The following MOXD1 variants were observed in gnomAD, a reference collection of about 807,000 sequenced individuals.
The protein encoded by MOXD1 is monooxygenase DBH like 1.
A neutral mutation model predicts 66.6 loss-of-function variants in MOXD1; 62 were observed. That is an observed-to-expected ratio of 0.93 (90% CI 0.76 to 1.15). MOXD1 has a LOEUF of 1.15. Ranked by LOEUF, MOXD1 falls within the 50% of genes most tolerant of loss-of-function variation. The pLI, the probability that MOXD1 is intolerant of heterozygous loss-of-function variation, is 0.00. For missense variants in MOXD1, 847 were observed against 754.6 expected (o/e 1.12, Z -1.44); for synonymous variants, 303 against 281.9 (o/e 1.07, Z -0.75).
At chr6:132,335,221 G>A (rs1262442556) in intron 4 of MOXD1, among the ~76,000 whole-genome samples, 1 of 151,828 alleles carries the variant, frequency 6.6e-6, no homozygotes, top group Non-Finnish European at 1.5e-5. Flanking sequence ...AATCCGTATG[G>A]TTTTGGAGGC....
At chr6:132,399,755 C>T (rs1477871211) in intron 1 of MOXD1, among the ~76,000 whole-genome samples, 1 of 152,176 alleles carries the variant, frequency 6.6e-6, no homozygotes, top group Non-Finnish European at 1.5e-5. Flanking sequence ...CTATACTCCT[C>T]TCCCTAAACG....
intron 10 of MOXD1, among the ~76,000 whole-genome samples, chr6:132,298,503 C>A (rs893854984): frequency 6.6e-6 from 1 of 152,126 alleles, no homozygotes; most frequent in Non-Finnish European, 1.5e-5. Context: ...ATGGAAAGTT[C>A]AAACCCATAC....
rs746313927 is a variant in MOXD1, at chr6:132,297,142, C to T, written c.*11G>A. ...TCATAGAAAACATTGTCAAGTCCAA[C>T]AGAATTTTGATCACAAGCTCTTGGT... On this transcript the variant is annotated 3_prime_UTR_variant, in exon 12 of 12. Transcript: ENST00000367963. 1.2e-6 allele frequency: 2 copies of T among 1,612,220 alleles called. No individual in the cohort carries two copies. The highest frequency in any genetic ancestry group is 2.2e-5 in the South Asian group (2 of 90,936).
intron 4 of MOXD1, among the ~76,000 whole-genome samples, chr6:132,352,820 A>G (rs780230916): frequency 1.2e-3 from 177 of 152,122 alleles, no homozygotes; most frequent in Admixed American, 1.8e-3. Context: ...CTCCAATGTT[A>G]CGTGCATGTA....
At chr6:132,325,831 TCA>T (rs989945096) in intron 6 of MOXD1, among the ~76,000 whole-genome samples, 3 of 152,352 alleles carry the variant, frequency 2.0e-5, no homozygotes, top group African/African-American at 7.2e-5. Flanking sequence ...TGGCAGCTAG[TCA>T]CACGTACAGT....
rs747364064 is a variant in MOXD1 at position 132,374,650 on chromosome 6, A to G, written c.392T>C (p.Ile131Thr). ...CCTTACCGTTATACTCTTGTCATTT[A>G]TGTCACATGTATGCAGCTCTCTGGT... is the stretch of plus-strand genomic sequence containing the variant. ...EFTRELHTCDINDKSITDSTV... is the reference protein window; with the variant it reads ...EFTRELHTCDTNDKSITDSTV... The change falls in exon 2 of 12, where the codon ATA becomes ACA. Residue 131 changes from isoleucine to threonine, a missense_variant. By Grantham distance (89) the Ile-to-Thr change is moderately conservative (BLOSUM62 -1). Coordinates refer to ENST00000367963, the MANE Select transcript of MOXD1 (RefSeq NM_015529.4). 1 of 1,613,852 alleles carries G rather than the reference A, an allele frequency of 6.2e-7. No individual in the cohort carries two copies.
At chr6:132,366,644 T>C (rs1356100097) in intron 4 of MOXD1, among the ~76,000 whole-genome samples, 3 of 152,146 alleles carry the variant, frequency 2.0e-5, no homozygotes. Flanking sequence ...CACAGTTTAC[T>C]AAATTTAACC....
chr6:132,356,103 G>A (rs138159998), intron 4 of MOXD1, among the ~76,000 whole-genome samples: 5 of 152,166 alleles, frequency 3.3e-5, no homozygotes, highest in African/African-American at 9.7e-5. Flanking sequence ...GGGAGGGGAC[G>A]CAAAGGACGC....
chr6:132,354,503 A>T (rs1247819780), intron 4 of MOXD1, among the ~76,000 whole-genome samples: 1 of 152,130 alleles, frequency 6.6e-6, no homozygotes, highest in Non-Finnish European at 1.5e-5. Flanking sequence ...CTGTGATGTG[A>T]ACTGTCTATG....
chr6:132,309,631 C>G (rs1452561120), intron 10 of MOXD1, among the ~76,000 whole-genome samples: 1 of 152,134 alleles, frequency 6.6e-6, no homozygotes, highest in Non-Finnish European at 1.5e-5. Context: ...TACTACAAGG[C>G]TACAGTAACT....
intron 4 of MOXD1, among the ~76,000 whole-genome samples, chr6:132,343,103 G>T (rs1011333633): frequency 6.6e-6 from 1 of 152,030 alleles, no homozygotes; most frequent in Non-Finnish European, 1.5e-5. Context: ...ATTAACAGAA[G>T]AAATTCAAAG....
intron 2 of MOXD1, among the ~76,000 whole-genome samples, chr6:132,373,568 A>G (rs575678324): frequency 1.3e-5 from 2 of 152,352 alleles, no homozygotes; most frequent in East Asian, 1.9e-4. Context: ...GTTAATCTAC[A>G]GTCATTTTAT....
chr6:132,360,422 T>C (rs1775992914), intron 4 of MOXD1, among the ~76,000 whole-genome samples: 1 of 152,216 alleles, frequency 6.6e-6, no homozygotes, highest in South Asian at 2.1e-4. Context: ...TTGGTTCTTA[T>C]CATCTAATTT....
chr6:132,374,903 G>T, intron 1 of MOXD1, 126 bp from the exon 2 acceptor site: 1 of 952,322 alleles, frequency 1.1e-6, no homozygotes, highest in Non-Finnish European at 1.6e-6. Context: ...TTTCCAAGGG[G>T]CTGGAGTATT....
At position 132,322,679 on chromosome 6, in the gene MOXD1, TG is replaced by T; in HGVS notation, c.1304del (p.Pro435GlnfsTer5). The T allele has an allele frequency of 6.2e-7, 1 of 1,612,036 alleles. No individual in the cohort carries two copies. The highest frequency in any genetic ancestry group is 8.5e-7 in the Non-Finnish European group (1 of 1,178,956). On this transcript the variant is annotated frameshift_variant and splice_region_variant, in exon 8 of 12. Coordinates refer to ENST00000367963, the MANE Select transcript of MOXD1 (RefSeq NM_015529.4). LOFTEE classifies it high-confidence loss of function. The stretch of plus-strand genomic sequence containing the variant: ...TGAAAAAGAACAAAAACATGCATAC[TG>T]GTAAGATTGTTTGTTCTTCCTTTAG... ...QYLKEEQTIL[P>X]GDNLITECRY...
intron 10 of MOXD1, among the ~76,000 whole-genome samples, chr6:132,312,831 A>G (rs1774861299): frequency 6.6e-6 from 1 of 152,052 alleles, no homozygotes; most frequent in Non-Finnish European, 1.5e-5. Flanking sequence ...AGGCCATAGA[A>G]TGCATTTAAA....
At chr6:132,336,921 G>A (rs910594575) in intron 4 of MOXD1, among the ~76,000 whole-genome samples, 1 of 152,194 alleles carries the variant, frequency 6.6e-6, no homozygotes, top group Admixed American at 6.5e-5. Flanking sequence ...CTTTTCAAAC[G>A]ACGAAAAAGA....
At chr6:132,326,616 A>C (rs1775192975) in intron 6 of MOXD1, among the ~76,000 whole-genome samples, 1 of 152,192 alleles carries the variant, frequency 6.6e-6, no homozygotes, top group African/African-American at 2.4e-5. Flanking sequence ...TTTTATAGTC[A>C]CATATGATTT....
Position 132,349,468 on chromosome 6 carries a change from T to TATATATATATAC in MOXD1, c.664-20875_664-20874insGTATATATATAT, listed in dbSNP as rs1775756032. Among the ~76,000 whole-genome samples, 3 of 31,618 alleles carry TATATATATATAC rather than the reference T, an allele frequency of 9.5e-5. 1 individual carries two copies. Among genetic ancestry groups the TATATATATATAC allele is most frequent in the African/African-American group, 2.8e-4 (3 of 10,816 alleles). 20.7% of individuals were successfully genotyped at this position (31,618 alleles called of 152,430 possible). A position where few individuals can be genotyped will look rare whatever the true frequency, so the allele number is the denominator to read the frequency against. Reference sequence around the variant, plus strand: ...ATATATATACATATATATATATACATATATATATATATACATATATATATA... The same window carrying TATATATATATAC: ...ATATATATACATATATATATATACATATATATATATACATATATATATATACATATATATATA... On this transcript the variant is annotated intron_variant, in intron 4 of 11. Transcript: ENST00000367963.
Sources: allele counts gnomAD v4.1 joint callset (sites outside exome capture counted in the v4.1 genomes callset), GRCh38; gene constraint gnomAD v4.1.1; transcripts MANE v1.5; gene names NCBI Gene and HGNC (gene_info 2026-07-23, HGNC 2026-07-21).